Variants in CELSR3 observed in about 807,000 individuals in gnomAD.
CELSR3 encodes EGF-like protein 1.
Under a neutral mutation model 270.0 loss-of-function variants are expected in CELSR3, and 73 were observed. The ratio of observed to expected loss-of-function variants is 0.27; its 90% CI spans 0.22 to 0.33. The LOEUF is 0.33. CELSR3 is among the 10% of genes least tolerant of loss of function. CELSR3 has a pLI of 1.00. For missense variants in CELSR3, 3,614 were observed against 4,533.8 expected (o/e 0.80, Z 5.83); for synonymous variants, 1,780 against 1,905.4 (o/e 0.93, Z 1.71).
rs752787609 is a variant in CELSR3, at chr3:48,655,073, C to T, written c.4959G>A (p.Ala1653=). 1.1e-5 allele frequency: 17 copies of T among 1,613,682 alleles called. No individual in the cohort carries two copies. Among genetic ancestry groups the T allele is most frequent in the East Asian group, 4.5e-5 (2 of 44,880 alleles). The stretch of plus-strand genomic sequence containing the variant: ...TGGAGCTTGTTTGCACACCAGCAGC[C>T]GCGCATGAGTAGTTGCCAATCTCAG... ...FGAEIGNYSC[A]AAGVQTSSKK... is the part of the protein sequence containing the mutation. The change falls in exon 6 of 35, where the codon GCG becomes GCA. Residue 1653 remains alanine (A), a synonymous_variant. Transcript: ENST00000164024. The surrounding 1 kb of genome is among the most constrained non-coding windows in gnomAD (Gnocchi z 5.8).
intron 28 of CELSR3, 90 bp downstream of exon 28, chr3:48,643,464 C>T: frequency 6.8e-7 from 1 of 1,471,138 alleles, no homozygotes; most frequent in Admixed American, 2.3e-5. Context: ...AGAGTCAGCT[C>T]CAGGCCTAGG....
At position 48,651,130 on chromosome 3, in the gene CELSR3, G is replaced by T; in HGVS notation, c.6187-55C>A. On this transcript the variant is annotated intron_variant, in intron 14 of 34. Transcript: ENST00000164024. This position sits in a 1 kb window ranked among gnomAD's most constrained non-coding sequence, Gnocchi z 7.4. ...TCAGAGGTCAGGGCTTGGGGAATGA[G>T]TGGAATCAAGGATAAAGGGTCAAGA... 6.6e-7 allele frequency: 1 copy of T among 1,511,606 alleles called. No individual in the cohort carries two copies. Among genetic ancestry groups the T allele is most frequent in the Non-Finnish European group, 8.9e-7 (1 of 1,121,988 alleles). The allele number at this position is 1,511,606 out of a possible 1,614,324, so 93.6% of individuals were successfully genotyped here.
In CELSR3 at chr3:48,639,602, A is replaced by G; in HGVS notation, c.9911+72T>C. On this transcript the variant is annotated intron_variant, in intron 34 of 34. Transcript: ENST00000164024. The surrounding 1 kb of genome is among the most constrained non-coding windows in gnomAD (Gnocchi z 4.1). ...AGCCCTCATCCCCTTCTGTGGCAGA[A>G]CACAGGGCAGGGCACACAGGAGGTT... is the stretch of plus-strand genomic sequence containing the variant. 6.4e-7 allele frequency: 1 copy of G among 1,567,352 alleles called. No individual in the cohort carries two copies.
At position 48,644,281 on chromosome 3, in the gene CELSR3, C is replaced by G; in HGVS notation, c.8100G>C (p.Met2700Ile). 6.2e-7 allele frequency: 1 copy of G among 1,613,128 alleles called. No homozygotes were observed. The part of the protein sequence containing the change: ...VVLVIVMNGT[M>I]FLLAARTSCS... ...AGGATGTGCGGGCAGCGAGGAGAAACATGGTCCCGTTCATCTGGACCCACG... is the reference window on the plus strand; with the variant it reads ...AGGATGTGCGGGCAGCGAGGAGAAAGATGGTCCCGTTCATCTGGACCCACG... The change falls in exon 27 of 35, where the codon ATG (methionine) becomes ATC (isoleucine). Residue 2700 changes from methionine to isoleucine, a missense_variant. Physicochemically the swap from Met to Ile is conservative, Grantham distance 10. Around this residue, in one of 7 missense-constraint regions of CELSR3, gnomAD observed 1,240 missense variants for 1,351.7 expected, o/e 0.92. Transcript: ENST00000164024. This position sits in a 1 kb window ranked among gnomAD's most constrained non-coding sequence, Gnocchi z 4.8.
Position 48,653,605 on chromosome 3 carries a change from C to T in CELSR3, c.5448+14G>A. The T allele has an allele frequency of 1.2e-6, 2 of 1,612,270 alleles. No individual in the cohort carries two copies. The highest frequency in any genetic ancestry group is 1.1e-5 in the South Asian group (1 of 90,912). On this transcript the variant is annotated intron_variant, in intron 9 of 34. Coordinates refer to ENST00000164024, the MANE Select transcript of CELSR3 (RefSeq NM_001407.3). The surrounding 1 kb of genome is among the most constrained non-coding windows in gnomAD (Gnocchi z 6.5). ...TGAGAACTGAGGGTATAGGGGTGAG[C>T]AGGGTGGACACACCTGGCAAAGGAG...
chr3:48,656,712 C>T lies in CELSR3; in HGVS notation c.4385G>A (p.Arg1462His), dbSNP rs1359692985. 5.4e-6 allele frequency: 8 copies of T among 1,494,622 alleles called. No homozygotes were observed. The highest frequency in any genetic ancestry group is 6.2e-6 in the Non-Finnish European group (7 of 1,128,460). 92.6% of individuals were successfully genotyped at this position (1,494,622 alleles called of 1,614,324 possible). Residue 1462 changes from arginine (R) to histidine (H), a missense_variant, in exon 2 of 35, where the codon CGC (arginine) becomes CAC (histidine). Transcript: ENST00000164024. ...RREGGYTCVC[R>H]PRFTGEDCEL... ...GCCCTGCTCACCGGTGAAGCGCGGG[C>T]GGCAGACGCACGTGTAGCCTCCCTC...
In CELSR3 at chr3:48,659,951, T is replaced by C; in HGVS notation, c.2684A>G (p.Tyr895Cys). ...CTGGGGCAGGTTGTCCTCCAGGAGA[T>C]AGGTGATACGAGCATTCTCACCCAC... ...DDVGENARIT[Y>C]LLEDNLPQFR... Residue 895 changes from tyrosine (Y) to cysteine (C), a missense_variant, in exon 1 of 35, where the codon TAT becomes TGT. Transcript: ENST00000164024. The surrounding 1 kb of genome is among the most constrained non-coding windows in gnomAD (Gnocchi z 8.1). The C allele has an allele frequency of 6.2e-7, 1 of 1,614,106 alleles. No homozygotes were observed. The highest frequency in any genetic ancestry group is 2.2e-5 in the East Asian group (1 of 44,878).
rs1464558994 is a variant in CELSR3 at position 48,659,382 on chromosome 3, C to A, written c.3253G>T (p.Val1085Leu). ...TCCACTGCAGTGATCTGGGCCACCA[C>A]TGAGCCCACAATGCTATTCTCTTTC... ...RVKENSIVGSVVAQITAVDPD... is the reference protein window; with the variant it reads ...RVKENSIVGSLVAQITAVDPD... The change falls in exon 1 of 35, where the codon GTG becomes TTG. Residue 1085 changes from valine to leucine, a missense_variant. This residue lies in a region of CELSR3 where 1,331 missense variants were observed against 1,933.7 expected (regional missense o/e 0.69). Coordinates refer to ENST00000164024, the MANE Select transcript of CELSR3 (RefSeq NM_001407.3). This position sits in a 1 kb window ranked among gnomAD's most constrained non-coding sequence, Gnocchi z 8.1. The A allele has an allele frequency of 6.2e-7, 1 of 1,614,224 alleles. No individual in the cohort carries two copies. The highest frequency in any genetic ancestry group is 1.1e-5 in the South Asian group (1 of 91,084).
chr3:48,658,891 G>A lies in CELSR3; in HGVS notation c.3744C>T (p.Val1248=), dbSNP rs1359853175. The change falls in exon 1 of 35, where the codon GTC becomes GTT. Residue 1248 remains valine, a synonymous_variant. Transcript: ENST00000164024. This position sits in a 1 kb window ranked among gnomAD's most constrained non-coding sequence, Gnocchi z 4.7. ...RPLVASMLVT[V]TDGLHSVTAQ... ...TGCCTGCCCCCTGCCCCTCACCTGT[G>A]ACAGTCACCAACATGGAGGCCACCA... 1.2e-6 allele frequency: 2 copies of A among 1,612,788 alleles called. No individual in the cohort carries two copies. The highest frequency in any genetic ancestry group is 4.5e-5 in the East Asian group (2 of 44,868).
chr3:48,650,530 T>A lies in CELSR3; in HGVS notation c.6422A>T (p.Gln2141Leu). 1 of 1,594,152 alleles carries A rather than the reference T, an allele frequency of 6.3e-7. No individual in the cohort carries two copies. Among genetic ancestry groups the A allele is most frequent in the East Asian group, 2.3e-5 (1 of 43,402 alleles). Residue 2141 changes from glutamine (Q) to leucine (L), a missense_variant, in exon 16 of 35, where the codon CAG becomes CTG. Gln to Leu is a moderately radical substitution (Grantham distance 113). Transcript: ENST00000164024. The surrounding 1 kb of genome is among the most constrained non-coding windows in gnomAD (Gnocchi z 5.1). ...KSLRSGVWWP[Q>L]TKFGVLATVP... ...TGTGGCCAGGACGCCAAACTTTGTC[T>A]GGGGCCACCACACACCAGATCTCAG...
At chr3:48,643,203 A>G in intron 28 of CELSR3, 120 bp from the exon 29 acceptor site, 1 of 707,722 alleles carries the variant, frequency 1.4e-6, no homozygotes, top group Non-Finnish European at 2.5e-6. Context: ...TGAGGAGCCC[A>G]TGCGGGACTC....
Position 48,640,929 on chromosome 3 carries a change from G to C in CELSR3, c.9026-370C>G. On this transcript the variant is annotated intron_variant, in intron 33 of 34. Coordinates refer to ENST00000164024, the MANE Select transcript of CELSR3 (RefSeq NM_001407.3). The surrounding 1 kb of genome is among the most constrained non-coding windows in gnomAD (Gnocchi z 7.5). Reference sequence around the variant, plus strand: ...GGACAGGAGCAGTCCCCAGGTCCCTGTGATGCAAGGGTGAGGGCAGAAACC... The same window carrying C: ...GGACAGGAGCAGTCCCCAGGTCCCTCTGATGCAAGGGTGAGGGCAGAAACC... 5.1e-6 allele frequency: 2 copies of C among 395,108 alleles called. No individual in the cohort carries two copies. The highest frequency in any genetic ancestry group is 9.1e-6 in the Non-Finnish European group (2 of 219,384). 24.5% of individuals were successfully genotyped at this position (395,108 alleles called of 1,614,324 possible).
Position 48,651,080 on chromosome 3 carries a change from T to G in CELSR3, c.6187-5A>C. On this transcript the variant is annotated splice_polypyrimidine_tract_variant and splice_region_variant and intron_variant, in intron 14 of 34. Coordinates refer to ENST00000164024, the MANE Select transcript of CELSR3 (RefSeq NM_001407.3). The surrounding 1 kb of genome is among the most constrained non-coding windows in gnomAD (Gnocchi z 7.4). ...CCGCGGTCGGTAGTGGAACTCCTGT[T>G]TGAGGATGGGCCAGGGGCCTGAAGT... 2 of 1,553,090 alleles carry G rather than the reference T, an allele frequency of 1.3e-6. No homozygotes were observed. The highest frequency in any genetic ancestry group is 1.7e-6 in the Non-Finnish European group (2 of 1,150,138).
chr3:48,655,673 G>A lies in CELSR3; in HGVS notation c.4741+63C>T. ...GTGCACAGTGAAGCAAACCTGAGGG[G>A]ACTTGGGCCCTGCGTCCTCCAGCAC... On this transcript the variant is annotated intron_variant, in intron 4 of 34. Coordinates refer to ENST00000164024, the MANE Select transcript of CELSR3 (RefSeq NM_001407.3). The surrounding 1 kb of genome is among the most constrained non-coding windows in gnomAD (Gnocchi z 5.8). 1 of 1,390,932 alleles carries A rather than the reference G, an allele frequency of 7.2e-7. No individual in the cohort carries two copies. The allele number at this position is 1,390,932 out of a possible 1,614,324, so 86.2% of individuals were successfully genotyped here. A position where few individuals can be genotyped will look rare whatever the true frequency, so the allele number is the denominator to read the frequency against.
chr3:48,640,753 C>A lies in CELSR3; in HGVS notation c.9026-194G>T. 1.8e-6 allele frequency: 1 copy of A among 543,266 alleles called. No individual in the cohort carries two copies. The highest frequency in any genetic ancestry group is 2.7e-5 in the South Asian group (1 of 36,748). 33.7% of individuals were successfully genotyped at this position (543,266 alleles called of 1,614,324 possible). ...CAGGACAGGGGTCAGAGTGGAAGGG[C>A]AGTCATCTTCCAGTTGTGGTCCCGG... On this transcript the variant is annotated intron_variant, in intron 33 of 34. Coordinates refer to ENST00000164024, the MANE Select transcript of CELSR3 (RefSeq NM_001407.3). This position sits in a 1 kb window ranked among gnomAD's most constrained non-coding sequence, Gnocchi z 7.5.
Position 48,649,145 on chromosome 3 carries a change from A to G in CELSR3, c.6543T>C (p.Pro2181=). 1 of 1,612,610 alleles carries G rather than the reference A, an allele frequency of 6.2e-7. No homozygotes were observed. The highest frequency in any genetic ancestry group is 8.5e-7 in the Non-Finnish European group (1 of 1,179,562). ...CCAGCAGACTGAGCTCTCGAAAGGC[A>G]GGGGAGGTACAGTTGAAGAGGTCGG... is the stretch of plus-strand genomic sequence containing the variant. The part of the protein sequence containing the change: ...LEPDLFNCTS[P]AFRELSLLLD... Residue 2181 remains proline, a synonymous_variant, in exon 17 of 35, where the codon CCT becomes CCC. Transcript: ENST00000164024.
intron 27 of CELSR3, chr3:48,643,907 G>T: frequency 3.3e-6 from 2 of 602,992 alleles, no homozygotes; most frequent in Middle Eastern, 3.1e-4. Flanking sequence ...AGGGGTATGG[G>T]AGCCACAAGG....
Position 48,652,376 on chromosome 3 carries a change from G to T in CELSR3, c.5751+61C>A. On this transcript the variant is annotated intron_variant, in intron 11 of 34. Coordinates refer to ENST00000164024, the MANE Select transcript of CELSR3 (RefSeq NM_001407.3). The surrounding 1 kb of genome is among the most constrained non-coding windows in gnomAD (Gnocchi z 4.3). ...AATACTGCCTTTCAGGTCCCAAGGA[G>T]CCCCTGACTTCTGACCCCTGACCCT... The T allele has an allele frequency of 1.5e-6, 2 of 1,313,730 alleles. No individual in the cohort carries two copies. The highest frequency in any genetic ancestry group is 2.2e-6 in the Non-Finnish European group (2 of 907,336). The allele number at this position is 1,313,730 out of a possible 1,614,324, so 81.4% of individuals were successfully genotyped here. A position where few individuals can be genotyped will look rare whatever the true frequency, so the allele number is the denominator to read the frequency against.
Position 48,653,068 on chromosome 3 carries a change from C to T in CELSR3, c.5568G>A (p.Gln1856=). The change falls in exon 10 of 35, where the codon CAG becomes CAA. Residue 1856 remains glutamine (Q), a synonymous_variant. Transcript: ENST00000164024. The surrounding 1 kb of genome is among the most constrained non-coding windows in gnomAD (Gnocchi z 6.5). ...GRWHDLRLEL[Q]EEPGGRRGHH... ...GGCCCCGCCGGCCACCTGGTTCCTC[C>T]TGCAACTCCAGCCGCAGATCGTGCC... 1 of 1,613,294 alleles carries T rather than the reference C, an allele frequency of 6.2e-7. No individual in the cohort carries two copies. The highest frequency in any genetic ancestry group is 1.1e-5 in the South Asian group (1 of 91,084).
Sources: gnomAD v4.1 joint callset for allele counts on GRCh38, gnomAD v4.1.1 for gene constraint, gnomAD v4.1.1 regional missense constraint, Gnocchi (gnomAD v3.1) non-coding constraint, MANE v1.5 for transcripts, NCBI Gene and HGNC (gene_info 2026-07-23, HGNC 2026-07-21) for gene names.